CSMD2: variants seen among roughly 807,000 people sequenced by gnomAD.
The protein encoded by CSMD2 is CUB and Sushi multiple domains 2, also known as CUB and sushi domain-containing protein 2.
Under a neutral mutation model 398.5 loss-of-function variants are expected in CSMD2, and 130 were observed. The ratio of observed to expected loss-of-function variants is 0.33; its 90% CI spans 0.28 to 0.38. CSMD2 has a LOEUF of 0.38. Ranked by LOEUF, CSMD2 falls within the 10% of genes least tolerant of loss-of-function variation. The probability of loss-of-function intolerance (pLI) is 1.00; values close to 1 mark genes in which losing one functional copy is unlikely to be tolerated. For synonymous variants in CSMD2, 1,828 were observed against 1,908.5 expected, an observed-to-expected ratio of 0.96 and a Z score of 1.10; for missense variants, 3,829 against 4,764.9, an observed-to-expected ratio of 0.80 and a Z score of 5.78.
intron 15 of CSMD2, among the ~76,000 whole-genome samples, chr1:33,736,057 T>C (rs77353286): frequency 0.015 from 2,249 of 152,268 alleles, 66 homozygotes; most frequent in African/African-American, 0.051. Context: ...CAGGCTGGCA[T>C]CAAATGCCCA....
intron 2 of CSMD2, among the ~76,000 whole-genome samples, chr1:34,052,457 TGG>T (rs11344432): frequency 2.6e-4 from 33 of 128,456 alleles, no homozygotes; most frequent in African/African-American, 3.7e-4. Context: ...TTTATATCCA[TGG>T]GGGGGGGGTC....
intron 49 of CSMD2, among the ~76,000 whole-genome samples, chr1:33,575,688 G>A (rs57467257): frequency 0.029 from 4,483 of 152,136 alleles, 239 homozygotes; most frequent in African/African-American, 0.1. Context: ...CTGGCGCTCC[G>A]GAAAAAAGAC....
chr1:33,926,417 T>C (rs760775299), intron 4 of CSMD2, among the ~76,000 whole-genome samples: 2 of 152,168 alleles, frequency 1.3e-5, no homozygotes, highest in Non-Finnish European at 2.9e-5. Context: ...GGACTTGTGC[T>C]AGAACTGAGG....
intron 1 of CSMD2, among the ~76,000 whole-genome samples, chr1:34,147,788 C>G (rs77473173): frequency 6.6e-6 from 1 of 152,106 alleles, no homozygotes; most frequent in Non-Finnish European, 1.5e-5. Context: ...GACGTCCCTG[C>G]GTAACACAGG....
At position 33,829,341 on chromosome 1, in the gene CSMD2, AT is replaced by A. The variant is rs199727814; in HGVS notation, c.1034-3568del. Among the ~76,000 whole-genome samples, 555 of 151,540 alleles carry A rather than the reference AT, an allele frequency of 3.7e-3. 3 individuals carry two copies. The highest frequency in any genetic ancestry group is 0.011 in the African/African-American group (439 of 41,358). On this transcript the variant is annotated intron_variant, in intron 6 of 70. Transcript: ENST00000373381. ...GATCCACATCACCAGGAACATTAGCATTTTTTTTTAGATTAAATTTACTTTT... is the reference window on the plus strand; with the variant it reads ...GATCCACATCACCAGGAACATTAGCATTTTTTTTAGATTAAATTTACTTTT...
At chr1:33,677,039 C>T (rs1644737999) in intron 25 of CSMD2, among the ~76,000 whole-genome samples, 1 of 152,206 alleles carries the variant, frequency 6.6e-6, no homozygotes, top group Non-Finnish European at 1.5e-5. Context: ...CCATGCAGGA[C>T]ATAGGCATGG....
intron 3 of CSMD2, among the ~76,000 whole-genome samples, chr1:33,964,729 C>G (rs1004312090): frequency 4.6e-5 from 7 of 152,098 alleles, no homozygotes; most frequent in Non-Finnish European, 7.3e-5. Flanking sequence ...AGAAGTGAGG[C>G]CTTCCTGGCC....
intron 29 of CSMD2, among the ~76,000 whole-genome samples, chr1:33,645,149 C>T (rs927234980): frequency 1.3e-5 from 2 of 152,016 alleles, no homozygotes; most frequent in Non-Finnish European, 2.9e-5. Flanking sequence ...TTAGGGGACA[C>T]TTTAAAAGGT....
At chr1:34,080,310 T>C (rs1448384373) in intron 2 of CSMD2, among the ~76,000 whole-genome samples, 2 of 151,990 alleles carry the variant, frequency 1.3e-5, no homozygotes, top group African/African-American at 4.8e-5. Flanking sequence ...ATATAAACTA[T>C]AGTAAGAATG....
At chr1:34,075,086 T>C (rs1433463059) in intron 2 of CSMD2, among the ~76,000 whole-genome samples, 1 of 152,246 alleles carries the variant, frequency 6.6e-6, no homozygotes, top group African/African-American at 2.4e-5. Flanking sequence ...GCATTCCTGT[T>C]AGGCATTCAA....
chr1:34,100,723 T>C (rs144768779), intron 1 of CSMD2, among the ~76,000 whole-genome samples: 199 of 152,356 alleles, frequency 1.3e-3, no homozygotes, highest in African/African-American at 4.6e-3. Flanking sequence ...CATTCTCCTA[T>C]TGTCAAACAT....
In CSMD2 at chr1:33,537,717, C is replaced by T; in HGVS notation, c.9632-108G>A. ...TTGCACTGCTCCCTTCCTGGTTGAG[C>T]TTGAACTCTGGGAACCGGGGCAGCC... On this transcript the variant is annotated intron_variant, in intron 60 of 70. Transcript: ENST00000373381. The surrounding 1 kb of genome is among the most constrained non-coding windows in gnomAD (Gnocchi z 4.6). 1 of 1,247,442 alleles carries T rather than the reference C, an allele frequency of 8.0e-7. No homozygotes were observed. Among genetic ancestry groups the T allele is most frequent in the Non-Finnish European group, 1.1e-6 (1 of 925,734 alleles). The allele number at this position is 1,247,442 out of a possible 1,614,324, so 77.3% of individuals were successfully genotyped here. A position where few individuals can be genotyped will look rare whatever the true frequency, so the allele number is the denominator to read the frequency against.
At chr1:33,801,815 T>C (rs555731452) in intron 10 of CSMD2, among the ~76,000 whole-genome samples, 71 of 152,222 alleles carry the variant, frequency 4.7e-4, no homozygotes, top group African/African-American at 1.7e-3. Context: ...AGACAGGTCT[T>C]AAAGGGCCAG....
At chr1:33,689,982 C>G (rs1293140913) in intron 25 of CSMD2, among the ~76,000 whole-genome samples, 1 of 152,180 alleles carries the variant, frequency 6.6e-6, no homozygotes, top group East Asian at 1.9e-4. Flanking sequence ...ATTTTCTCTT[C>G]TTCTCCATCT....
At chr1:34,003,667 T>G (rs1646970193) in intron 3 of CSMD2, among the ~76,000 whole-genome samples, 1 of 152,072 alleles carries the variant, frequency 6.6e-6, no homozygotes, top group African/African-American at 2.4e-5. Flanking sequence ...TCTTCTCATA[T>G]CCCCTTGGTG....
chr1:34,135,805 C>A (rs1638692669), intron 1 of CSMD2, among the ~76,000 whole-genome samples: 1 of 151,926 alleles, frequency 6.6e-6, no homozygotes. Context: ...ACAATGATCC[C>A]ATTTTTGTGA....
chr1:33,745,642 T>C (rs1345891398), intron 13 of CSMD2, among the ~76,000 whole-genome samples: 1 of 152,210 alleles, frequency 6.6e-6, no homozygotes, highest in Non-Finnish European at 1.5e-5. Flanking sequence ...TCTTTTCCAG[T>C]CTGCAGCTGT....
intron 9 of CSMD2, 70 bp from the exon 10 acceptor site, chr1:33,810,934 C>A: frequency 6.4e-7 from 1 of 1,558,264 alleles, no homozygotes. Context: ...CCTCCCACTC[C>A]CCACCCAGAA....
intron 41 of CSMD2, among the ~76,000 whole-genome samples, chr1:33,608,559 A>G (rs1019274237): frequency 6.6e-6 from 1 of 152,188 alleles, no homozygotes; most frequent in African/African-American, 2.4e-5. Flanking sequence ...TCTTTACCAA[A>G]CTTATGGAAA....
Sources: allele counts gnomAD v4.1 joint callset (sites outside exome capture counted in the v4.1 genomes callset), GRCh38; gene constraint gnomAD v4.1.1; non-coding constraint Gnocchi (gnomAD v3.1); transcripts MANE v1.5; gene names NCBI Gene and HGNC (gene_info 2026-07-23, HGNC 2026-07-21).